ARB2A: variants seen among roughly 807,000 people sequenced by gnomAD.
ARB2A encodes ARB2 cotranscriptional regulator A.
chr5:93,757,829 A>G, the ARB2A span, among the ~76,000 whole-genome samples: 3 of 152,126 alleles, frequency 2.0e-5, no homozygotes, highest in African/African-American at 7.2e-5. Flanking sequence ...AAGCAAAATC[A>G]AAAAACAAAA....
the ARB2A span, among the ~76,000 whole-genome samples, chr5:93,646,340 T>C: frequency 0.21 from 31,153 of 151,918 alleles, 4,661 homozygotes; most frequent in African/African-American, 0.42. Context: ...TCTGAGGTCT[T>C]CGGTGAAACC....
chr5:93,772,423 T>C, the ARB2A span, among the ~76,000 whole-genome samples: 13 of 152,016 alleles, frequency 8.6e-5, no homozygotes, highest in South Asian at 4.1e-4. Flanking sequence ...AATCTGCACA[T>C]TGTGCACATG....
At chr5:93,691,798 G>A in the ARB2A span, among the ~76,000 whole-genome samples, 1 of 152,126 alleles carries the variant, frequency 6.6e-6, no homozygotes, top group Non-Finnish European at 1.5e-5. Flanking sequence ...TACCCATAAA[G>A]GGAAGCCCAT....
the ARB2A span, among the ~76,000 whole-genome samples, chr5:93,857,676 G>T: frequency 6.6e-6 from 1 of 152,188 alleles, no homozygotes; most frequent in Non-Finnish European, 1.5e-5. Context: ...CGATTTTCCA[G>T]GTGCCATCTC....
chr5:93,891,696 T>G, the ARB2A span, among the ~76,000 whole-genome samples: 1 of 152,140 alleles, frequency 6.6e-6, no homozygotes, highest in Non-Finnish European at 1.5e-5. Flanking sequence ...AGTATCTCAT[T>G]AAATCTTTCA....
the ARB2A span, among the ~76,000 whole-genome samples, chr5:94,037,282 T>C: frequency 1.3e-5 from 2 of 152,152 alleles, no homozygotes; most frequent in African/African-American, 4.8e-5. Flanking sequence ...AGTATTCCAC[T>C]TATAGGAATG....
At chr5:93,757,142 C>G in the ARB2A span, among the ~76,000 whole-genome samples, 1 of 151,990 alleles carries the variant, frequency 6.6e-6, no homozygotes, top group African/African-American at 2.4e-5. Context: ...AGCTCAAAGA[C>G]AAGGTCTTCT....
the ARB2A span, among the ~76,000 whole-genome samples, chr5:93,917,706 C>T: frequency 1.3e-5 from 2 of 151,972 alleles, no homozygotes; most frequent in Non-Finnish European, 2.9e-5. Flanking sequence ...AATAAGACCT[C>T]ATCTCTACAA....
chr5:93,690,984 C>CA, the ARB2A span, among the ~76,000 whole-genome samples: 16 of 150,554 alleles, frequency 1.1e-4, no homozygotes, highest in African/African-American at 3.9e-4. Context: ...GCATAACATC[C>CA]AAAAAAAGAA....
At chr5:93,656,133 G>A in the ARB2A span, among the ~76,000 whole-genome samples, 1 of 152,214 alleles carries the variant, frequency 6.6e-6, no homozygotes, top group South Asian at 2.1e-4. Context: ...TTGATGTAGT[G>A]GGAGCTCCAT....
the ARB2A span, chr5:93,740,586 G>A: frequency 6.3e-7 from 1 of 1,586,812 alleles, no homozygotes; most frequent in Non-Finnish European, 8.6e-7. Context: ...CCTAAAATCT[G>A]AGGAGGCCCA....
the ARB2A span, among the ~76,000 whole-genome samples, chr5:93,854,167 C>T: frequency 2.0e-5 from 3 of 152,174 alleles, no homozygotes; most frequent in Non-Finnish European, 4.4e-5. Flanking sequence ...GATTCAACTT[C>T]TTCCTGATTT....
chr5:93,903,556 G>A, the ARB2A span, among the ~76,000 whole-genome samples: 1 of 151,924 alleles, frequency 6.6e-6, no homozygotes, highest in Non-Finnish European at 1.5e-5. Context: ...CAGTAAATAT[G>A]GTGGTCAATA....
chr5:93,941,875 T>C, the ARB2A span, among the ~76,000 whole-genome samples: 1 of 152,132 alleles, frequency 6.6e-6, no homozygotes, highest in African/African-American at 2.4e-5. Context: ...AAGTGCTCTA[T>C]ACTCTCACAG....
chr5:94,016,552 G>A, the ARB2A span, among the ~76,000 whole-genome samples: 1 of 152,294 alleles, frequency 6.6e-6, no homozygotes, highest in East Asian at 1.9e-4. Context: ...ATACTAAGTG[G>A]AATAGACCAG....
At chr5:93,932,691 A>G in the ARB2A span, among the ~76,000 whole-genome samples, 2 of 152,208 alleles carry the variant, frequency 1.3e-5, no homozygotes, top group East Asian at 3.8e-4. Flanking sequence ...GATAATGAAG[A>G]TGAGAAGTAA....
chr5:93,769,555 G>T, the ARB2A span, among the ~76,000 whole-genome samples: 5 of 152,136 alleles, frequency 3.3e-5, no homozygotes, highest in South Asian at 1.0e-3. Context: ...TGAAGAAGTG[G>T]TAAGTTTTTA....
the ARB2A span, among the ~76,000 whole-genome samples, chr5:94,044,703 C>T: frequency 4.6e-5 from 7 of 151,996 alleles, no homozygotes; most frequent in South Asian, 6.2e-4. Flanking sequence ...AACAGGAGGT[C>T]GGCACAAGAT....
the ARB2A span, among the ~76,000 whole-genome samples, chr5:93,680,870 T>C: frequency 6.6e-6 from 1 of 152,184 alleles, no homozygotes; most frequent in Non-Finnish European, 1.5e-5. Flanking sequence ...GTTTTGAGTT[T>C]TATCTTTCCC....
Sources: gnomAD v4.1 joint callset for allele counts (sites outside exome capture counted in the v4.1 genomes callset) on GRCh38, gnomAD v4.1.1 for gene constraint, MANE v1.5 for transcripts, NCBI Gene and HGNC (gene_info 2026-07-23, HGNC 2026-07-21) for gene names.